Variants in NAALADL2 observed in about 807,000 individuals in gnomAD.
NAALADL2 encodes the protein inactive N-acetylated-alpha-linked acidic dipeptidase-like protein 2.
NAALADL2 carries 76 observed loss-of-function variants against 87.2 expected under a neutral mutation model. That is an observed-to-expected ratio of 0.87 (90% CI 0.72 to 1.05). The LOEUF (loss-of-function observed/expected upper bound fraction) is 1.05. Ranked by LOEUF, NAALADL2 falls within the 50% of genes least tolerant of loss-of-function variation. NAALADL2 has a pLI of 0.00. For synonymous variants in NAALADL2, 354 were observed against 331.0 expected (o/e 1.07, Z -0.75); for missense variants, 1,089 against 945.8 (o/e 1.15, Z -1.99).
intron 9 of NAALADL2, among the ~76,000 whole-genome samples, chr3:175,573,790 A>T (rs1245499017): frequency 6.6e-6 from 1 of 152,186 alleles, no homozygotes; most frequent in Non-Finnish European, 1.5e-5. Flanking sequence ...ACTTTCGAAA[A>T]ATTCAGCTTT....
At chr3:174,635,339 G>A (rs1468271397) in intron 2 of NAALADL2, among the ~76,000 whole-genome samples, 3 of 152,124 alleles carry the variant, frequency 2.0e-5, no homozygotes, top group African/African-American at 4.8e-5. Context: ...TTTGTTCTCT[G>A]TAGCTTTGAA....
At chr3:174,498,598 T>C (rs1332471430) in intron 1 of NAALADL2, among the ~76,000 whole-genome samples, 1 of 150,358 alleles carries the variant, frequency 6.7e-6, no homozygotes, top group Non-Finnish European at 1.5e-5. Flanking sequence ...ATATTATAGT[T>C]TCTTTAAAAG....
At chr3:174,782,777 T>C (rs1389421911) in intron 3 of NAALADL2, among the ~76,000 whole-genome samples, 1 of 152,060 alleles carries the variant, frequency 6.6e-6, no homozygotes, top group Admixed American at 6.6e-5. Flanking sequence ...AAGCCGCTTA[T>C]AAAAGCATCA....
At chr3:174,506,695 A>G (rs904335152) in intron 1 of NAALADL2, among the ~76,000 whole-genome samples, 49 of 152,162 alleles carry the variant, frequency 3.2e-4, no homozygotes, top group Admixed American at 3.9e-4. Context: ...ATGTAAGTTT[A>G]CTCTTCTATC....
intron 9 of NAALADL2, among the ~76,000 whole-genome samples, chr3:175,527,659 A>T (rs1733595012): frequency 6.6e-6 from 1 of 152,208 alleles, no homozygotes; most frequent in Non-Finnish European, 1.5e-5. Flanking sequence ...GCCATTTTAA[A>T]ATAATGACTA....
intron 6 of NAALADL2, among the ~76,000 whole-genome samples, chr3:175,461,386 G>T: frequency 6.6e-6 from 1 of 152,108 alleles, no homozygotes; most frequent in East Asian, 1.9e-4. Context: ...AGTGCTGATT[G>T]GTGCATTTAC....
intron 5 of NAALADL2, among the ~76,000 whole-genome samples, chr3:175,425,331 G>A (rs1716591094): frequency 6.6e-6 from 1 of 152,100 alleles, no homozygotes; most frequent in Non-Finnish European, 1.5e-5. Flanking sequence ...ATTTTAATAG[G>A]AAATTTTGTT....
At chr3:175,735,212 C>T (rs1452064766) in intron 11 of NAALADL2, among the ~76,000 whole-genome samples, 6 of 152,346 alleles carry the variant, frequency 3.9e-5, no homozygotes, top group Middle Eastern at 3.4e-3. Flanking sequence ...CAGTTCCCAA[C>T]AAGTTCCTTA....
At chr3:175,186,413 C>G (rs1737342981) in intron 2 of NAALADL2, among the ~76,000 whole-genome samples, 1 of 152,014 alleles carries the variant, frequency 6.6e-6, no homozygotes. Context: ...TTTCCCATGA[C>G]TTAAAAACAA....
intron 8 of NAALADL2, among the ~76,000 whole-genome samples, chr3:175,468,720 T>A (rs1250099420): frequency 6.6e-6 from 1 of 152,076 alleles, no homozygotes; most frequent in African/African-American, 2.4e-5. Flanking sequence ...ACTAGGCTTG[T>A]CTAAATTAAT....
chr3:174,509,983 G>A (rs932271534), intron 1 of NAALADL2, among the ~76,000 whole-genome samples: 2 of 151,966 alleles, frequency 1.3e-5, no homozygotes, highest in East Asian at 3.9e-4. Flanking sequence ...AATGCCTTTT[G>A]ACATCTGTTG....
intron 2 of NAALADL2, among the ~76,000 whole-genome samples, chr3:175,227,024 A>G (rs1744254468): frequency 6.6e-6 from 1 of 152,116 alleles, no homozygotes; most frequent in Admixed American, 6.6e-5. Context: ...TATATTAGAA[A>G]TATCACCCGG....
chr3:175,259,267 C>A (rs751119531), intron 4 of NAALADL2, among the ~76,000 whole-genome samples: 12 of 152,076 alleles, frequency 7.9e-5, no homozygotes, highest in Non-Finnish European at 1.3e-4. Flanking sequence ...AATAACAGAC[C>A]ACACCCCTTT....
At chr3:174,634,944 TTTTAA>T (rs1369145492) in intron 2 of NAALADL2, among the ~76,000 whole-genome samples, 6 of 152,194 alleles carry the variant, frequency 3.9e-5, no homozygotes, top group Admixed American at 3.9e-4. Context: ...CACTGGAAAA[TTTTAA>T]TTAGTAGGAT....
chr3:174,606,895 A>G (rs1282280164), intron 2 of NAALADL2, among the ~76,000 whole-genome samples: 2 of 152,224 alleles, frequency 1.3e-5, no homozygotes, highest in Non-Finnish European at 2.9e-5. Flanking sequence ...GAAATGAAGG[A>G]AAAAATGTTA....
intron 2 of NAALADL2, among the ~76,000 whole-genome samples, chr3:175,172,438 C>A (rs1299030942): frequency 1.3e-5 from 2 of 152,040 alleles, no homozygotes; most frequent in Non-Finnish European, 2.9e-5. Flanking sequence ...CTTCGCTAAC[C>A]CTCAGTCATT....
At chr3:175,746,107 G>T (rs2150110304) in intron 12 of NAALADL2, among the ~76,000 whole-genome samples, 1 of 152,056 alleles carries the variant, frequency 6.6e-6, no homozygotes, top group African/African-American at 2.4e-5. Context: ...ATAGTTGCTG[G>T]CAGCGTTTCC....
At chr3:174,444,050 C>T (rs1714864724) in intron 1 of NAALADL2, among the ~76,000 whole-genome samples, 1 of 151,878 alleles carries the variant, frequency 6.6e-6, no homozygotes, top group South Asian at 2.1e-4. Flanking sequence ...AGTTGTAGGA[C>T]CAGATGATGT....
At chr3:175,354,603 C>T (rs78802954) in intron 5 of NAALADL2, among the ~76,000 whole-genome samples, 6 of 151,962 alleles carry the variant, frequency 3.9e-5, no homozygotes, top group African/African-American at 7.3e-5. Flanking sequence ...AATTGATTTA[C>T]CTTTTTTCAT....
Sources: allele counts gnomAD v4.1 joint callset (sites outside exome capture counted in the v4.1 genomes callset), GRCh38; gene constraint gnomAD v4.1.1; transcripts MANE v1.5; gene names NCBI Gene and HGNC (gene_info 2026-07-23, HGNC 2026-07-21).